NAALADL2: variants seen among roughly 807,000 people sequenced by gnomAD.
NAALADL2 encodes N-acetylated alpha-linked acidic dipeptidase like 2, also known as inactive N-acetylated-alpha-linked acidic dipeptidase-like protein 2.
NAALADL2 carries 76 observed loss-of-function variants against 87.2 expected under a neutral mutation model. The ratio of observed to expected loss-of-function variants is 0.87; its 90% CI spans 0.72 to 1.05. The LOEUF is 1.05. Ranked by LOEUF, NAALADL2 falls within the 50% of genes least tolerant of loss-of-function variation. The pLI, the probability that NAALADL2 is intolerant of heterozygous loss-of-function variation, is 0.00. For missense variants in NAALADL2, 1,089 were observed against 945.8 expected, an observed-to-expected ratio of 1.15 and a Z score of -1.99; for synonymous variants, 354 against 331.0, an observed-to-expected ratio of 1.07 and a Z score of -0.75.
intron 9 of NAALADL2, among the ~76,000 whole-genome samples, chr3:175,569,958 G>T (rs1474645149): frequency 1.3e-4 from 19 of 151,898 alleles, no homozygotes; most frequent in Admixed American, 1.2e-3. Flanking sequence ...AGATTATAAG[G>T]ATTTGTCTCA....
At chr3:174,539,882 C>T (rs1249757274) in intron 1 of NAALADL2, among the ~76,000 whole-genome samples, 1 of 141,094 alleles carries the variant, frequency 7.1e-6, no homozygotes, top group Admixed American at 7.8e-5. Context: ...TGCCAAGAGA[C>T]ATAGAGCATC....
chr3:174,538,279 TC>T (rs1383476807), intron 1 of NAALADL2, among the ~76,000 whole-genome samples: 2 of 152,084 alleles, frequency 1.3e-5, no homozygotes, highest in African/African-American at 4.8e-5. Flanking sequence ...CCCACGGCAT[TC>T]CTAAGTTAAC....
intron 9 of NAALADL2, among the ~76,000 whole-genome samples, chr3:175,559,740 G>A (rs548075921): frequency 1.1e-4 from 16 of 152,246 alleles, no homozygotes; most frequent in African/African-American, 3.6e-4. Context: ...GTATCACATC[G>A]ACTGATTTGC....
At chr3:175,010,696 A>G (rs1404766188) in intron 1 of NAALADL2, among the ~76,000 whole-genome samples, 4 of 152,122 alleles carry the variant, frequency 2.6e-5, no homozygotes. Context: ...CTTCTTGCCT[A>G]TGTCTTTTAG....
At chr3:175,354,934 G>GTA (rs1201983081) in intron 5 of NAALADL2, among the ~76,000 whole-genome samples, 2 of 146,946 alleles carry the variant, frequency 1.4e-5, no homozygotes, top group Non-Finnish European at 3.0e-5. Context: ...GTGTATATGT[G>GTA]TATATATATA....
chr3:174,567,490 T>A (rs1401877389), intron 2 of NAALADL2, among the ~76,000 whole-genome samples: 1 of 151,616 alleles, frequency 6.6e-6, no homozygotes, highest in Non-Finnish European at 1.5e-5. Context: ...TATACCTACC[T>A]GACTTGCAAA....
intron 1 of NAALADL2, chr3:174,458,432 A>T (rs1715991802): frequency 1.3e-5 from 2 of 152,200 alleles, no homozygotes; most frequent in Admixed American, 1.3e-4. Flanking sequence ...CACCTGTTGT[A>T]TTGCTTGGTA....
intron 5 of NAALADL2, among the ~76,000 whole-genome samples, chr3:175,428,088 C>A (rs536794070): frequency 2.0e-5 from 3 of 152,050 alleles, no homozygotes; most frequent in Admixed American, 6.6e-5. Flanking sequence ...GCTGTGTCAT[C>A]ATTCCCCAGA....
chr3:175,357,675 C>A (rs892751344), intron 5 of NAALADL2, among the ~76,000 whole-genome samples: 1 of 152,130 alleles, frequency 6.6e-6, no homozygotes, highest in African/African-American at 2.4e-5. Context: ...CTGAACCTAA[C>A]AAGATATGTC....
chr3:174,716,958 CAAGTA>C (rs1731251521), intron 2 of NAALADL2, among the ~76,000 whole-genome samples: 1 of 151,934 alleles, frequency 6.6e-6, no homozygotes, highest in Admixed American at 6.6e-5. Flanking sequence ...CTCTAAGACA[CAAGTA>C]AAGAAAATAA....
At chr3:174,856,077 G>A (rs1459634016), upstream of NAALADL2, among the ~76,000 whole-genome samples, 2 of 151,444 alleles carry the variant, frequency 1.3e-5, no homozygotes, top group African/African-American at 4.9e-5. Flanking sequence ...TATGATCATA[G>A]CTTACTGCAG....
At chr3:174,633,436 A>G (rs1023550372) in intron 2 of NAALADL2, among the ~76,000 whole-genome samples, 1 of 152,202 alleles carries the variant, frequency 6.6e-6, no homozygotes, top group East Asian at 1.9e-4. Flanking sequence ...ACTTTTATCC[A>G]TCTTGAATTT....
rs150605807 is a variant in NAALADL2 at position 174,908,017 on chromosome 3, G to C, written c.43+48567G>C. On this transcript the variant is annotated intron_variant, in intron 1 of 13. Coordinates refer to ENST00000454872, the MANE Select transcript of NAALADL2 (RefSeq NM_207015.3). ...AATTATCTCTTTTCGAAAGAGAGAA[G>C]TTGGTTTTTTTTTTTTTTTTTTTTT... is the stretch of plus-strand genomic sequence containing the variant. Among the ~76,000 whole-genome samples, 11 of 116,390 alleles carry C rather than the reference G, an allele frequency of 9.5e-5. No homozygotes were observed. The East Asian group carries it at 2.9e-3, about 31-fold the overall frequency. The allele number at this position is 116,390 out of a possible 152,430, so 76.4% of individuals were successfully genotyped here.
intron 3 of NAALADL2, among the ~76,000 whole-genome samples, chr3:174,813,283 A>C (rs1489500899): frequency 6.6e-6 from 1 of 152,050 alleles, no homozygotes; most frequent in East Asian, 1.9e-4. Context: ...GCTAAAAAAA[A>C]CACAAAAAAT....
At chr3:174,493,328 C>G (rs915225304) in intron 1 of NAALADL2, among the ~76,000 whole-genome samples, 1 of 152,130 alleles carries the variant, frequency 6.6e-6, no homozygotes. Context: ...CATATAGACA[C>G]AGACATAGGC....
chr3:174,620,918 A>T (rs1472435839), intron 2 of NAALADL2, among the ~76,000 whole-genome samples: 1 of 152,108 alleles, frequency 6.6e-6, no homozygotes, highest in Non-Finnish European at 1.5e-5. Context: ...AAATAATAAA[A>T]ACATAATAGG....
At chr3:174,703,038 A>G (rs1247032045) in intron 2 of NAALADL2, among the ~76,000 whole-genome samples, 2 of 152,228 alleles carry the variant, frequency 1.3e-5, no homozygotes, top group Admixed American at 1.3e-4. Flanking sequence ...AAATATTAAA[A>G]GTAAGTCTCT....
intron 10 of NAALADL2, among the ~76,000 whole-genome samples, chr3:175,585,135 T>G (rs186525819): frequency 6.6e-6 from 1 of 151,906 alleles, no homozygotes. Flanking sequence ...CTTTTTTCTA[T>G]TTTTATAAAT....
chr3:175,564,856 T>A (rs577370631), intron 9 of NAALADL2, among the ~76,000 whole-genome samples: 3 of 152,336 alleles, frequency 2.0e-5, no homozygotes, highest in Non-Finnish European at 4.4e-5. Context: ...AGTACAGTTT[T>A]TGGAAAGGCT....
Sources: gnomAD v4.1 joint callset for allele counts (sites outside exome capture counted in the v4.1 genomes callset) on GRCh38, gnomAD v4.1.1 for gene constraint, MANE v1.5 for transcripts, NCBI Gene and HGNC (gene_info 2026-07-23, HGNC 2026-07-21) for gene names.